Variants in FOXP2 observed in about 807,000 individuals in gnomAD.
FOXP2 encodes the protein forkhead box protein P2.
A neutral mutation model predicts 115.8 loss-of-function variants in FOXP2; 12 were observed. The ratio of observed to expected loss-of-function variants is 0.10; its 90% CI spans 0.07 to 0.17. FOXP2 has a LOEUF of 0.17. Among genes scored for constraint, FOXP2 ranks in the 10% least tolerant of loss-of-function variants. FOXP2 has a pLI of 1.00. For synonymous variants in FOXP2, 328 were observed against 297.7 expected (o/e 1.10, Z -1.05); for missense variants, 629 against 843.5 (o/e 0.75, Z 3.15).
upstream of FOXP2, among the ~76,000 whole-genome samples, chr7:114,412,857 T>G (rs532861786): frequency 2.0e-5 from 3 of 152,240 alleles, no homozygotes; most frequent in Admixed American, 2.0e-4. Flanking sequence ...AAAGAGACAC[T>G]AGTGGTATTG....
chr7:114,176,096 A>G (rs1301452860), intron 1 of FOXP2, among the ~76,000 whole-genome samples: 1 of 152,112 alleles, frequency 6.6e-6, no homozygotes, highest in Non-Finnish European at 1.5e-5. Context: ...GCATCATATC[A>G]AATCTACCTC....
chr7:114,205,310 C>T lies in FOXP2; in HGVS notation c.-102+42222C>T, dbSNP rs1157063264. Among the ~76,000 whole-genome samples the T allele has an allele frequency of 2.6e-5, 4 of 151,996 alleles. No individual in the cohort carries two copies. The East Asian group carries it at 7.7e-4, about 29-fold the overall frequency. On this transcript the variant is annotated intron_variant, in intron 1 of 17. Coordinates refer to the FOXP2 transcript ENST00000634411. ...AACAAAAGAAACAAAAAAGGAAGAT[C>T]CTTTAGCCCAGTGTTTCCAAATACA...
Position 114,518,802 on chromosome 7 carries a change from G to C in FOXP2, c.169-15815G>C, listed in dbSNP as rs1349971106. Among the ~76,000 whole-genome samples, 5 of 152,120 alleles carry C rather than the reference G, an allele frequency of 3.3e-5. No homozygotes were observed. In the East Asian group the frequency reaches 9.6e-4, roughly 29 times the overall value. On this transcript the variant is annotated intron_variant, in intron 2 of 16. Transcript: ENST00000350908. ...ATTATGGGCATGAGCCACCATGCTTGGCCCTAGAATTTTAAGAATGTAAAA... is the reference window on the plus strand; with the variant it reads ...ATTATGGGCATGAGCCACCATGCTTCGCCCTAGAATTTTAAGAATGTAAAA...
intron 2 of FOXP2, among the ~76,000 whole-genome samples, chr7:114,307,856 T>C (rs1242017470): frequency 6.6e-6 from 1 of 152,198 alleles, no homozygotes; most frequent in Non-Finnish European, 1.5e-5. Context: ...GATGTTCACA[T>C]GAACTTGTCT....
At chr7:114,366,243 C>T (rs766318622) in intron 2 of FOXP2, among the ~76,000 whole-genome samples, 1 of 152,102 alleles carries the variant, frequency 6.6e-6, no homozygotes, top group Non-Finnish European at 1.5e-5. Context: ...AACTACTAAA[C>T]AGTAATAAGG....
intron 2 of FOXP2, among the ~76,000 whole-genome samples, chr7:114,465,778 GC>G (rs1234366520): frequency 6.6e-6 from 1 of 152,114 alleles, no homozygotes; most frequent in Non-Finnish European, 1.5e-5. Flanking sequence ...CAATTGAGTA[GC>G]CAGGCCATGT....
intron 6 of FOXP2, among the ~76,000 whole-genome samples, chr7:114,636,964 A>T (rs1282834337): frequency 6.6e-6 from 1 of 152,160 alleles, no homozygotes; most frequent in Non-Finnish European, 1.5e-5. Context: ...ACTTCAGCCC[A>T]GGCGTTCAAG....
chr7:114,358,188 G>A lies in FOXP2; in HGVS notation c.-10-68314G>A, dbSNP rs186542282. ...TGACTTTATTAAGAGCAGCTTCCCT[G>A]AACGCACTTTCTTGCCTGCTGCCAT... On this transcript the variant is annotated intron_variant, in intron 2 of 17. Transcript: ENST00000634411. Among the ~76,000 whole-genome samples, 1,148 of 152,216 alleles carry A rather than the reference G, an allele frequency of 7.5e-3. 8 individuals are homozygous for A. The highest frequency in any genetic ancestry group is 0.011 in the Non-Finnish European group (728 of 68,016).
At chr7:114,236,180 C>T (rs911725899) in intron 1 of FOXP2, among the ~76,000 whole-genome samples, 1 of 152,088 alleles carries the variant, frequency 6.6e-6, no homozygotes, top group African/African-American at 2.4e-5. Flanking sequence ...TATGGAAAAG[C>T]TTTCAATGGA....
At chr7:114,647,138 T>C (rs1206122287) in intron 8 of FOXP2, among the ~76,000 whole-genome samples, 1 of 151,944 alleles carries the variant, frequency 6.6e-6, no homozygotes, top group Admixed American at 6.6e-5. Context: ...TAATTTGATA[T>C]CAGATAACTT....
chr7:114,225,179 G>T (rs569440742), intron 1 of FOXP2, among the ~76,000 whole-genome samples: 1 of 151,872 alleles, frequency 6.6e-6, no homozygotes, highest in Non-Finnish European at 1.5e-5. Context: ...AGTATTAAGG[G>T]GTGGGGTATG....
At position 114,691,129 on chromosome 7, in the gene FOXP2, G is replaced by GTT; in HGVS notation, c.*1204_*1205dup. 1 of 453,994 alleles carries GTT rather than the reference G, an allele frequency of 2.2e-6. No homozygotes were observed. The highest frequency in any genetic ancestry group is 4.4e-6 in the Non-Finnish European group (1 of 226,746). The allele number at this position is 453,994 out of a possible 1,614,324, so 28.1% of individuals were successfully genotyped here. On this transcript the variant is annotated 3_prime_UTR_variant, in exon 17 of 17. Coordinates refer to ENST00000350908, the MANE Select transcript of FOXP2 (RefSeq NM_014491.4). ...TTGATGCAAATGCAGATTGCATATT[G>GTT]TTATATATATAGTACTTTGTGTTTT...
At chr7:114,653,101 G>A (rs1421171043) in intron 9 of FOXP2, among the ~76,000 whole-genome samples, 4 of 151,928 alleles carry the variant, frequency 2.6e-5, no homozygotes, top group East Asian at 3.9e-4. Flanking sequence ...ATTACATCTT[G>A]TTTCAAATTC....
intron 2 of FOXP2, among the ~76,000 whole-genome samples, chr7:114,480,287 G>A (rs151086285): frequency 7.3e-4 from 110 of 150,446 alleles, no homozygotes; most frequent in Non-Finnish European, 9.6e-4. Flanking sequence ...TGTTGTAACT[G>A]GAAGCTTGCA....
intron 2 of FOXP2, among the ~76,000 whole-genome samples, chr7:114,525,015 C>T (rs1466070577): frequency 6.6e-6 from 1 of 152,114 alleles, no homozygotes; most frequent in Non-Finnish European, 1.5e-5. Context: ...GAACATGACT[C>T]TATTAAGATA....
chr7:114,086,398 A>G, upstream of FOXP2: 1 of 347,814 alleles, frequency 2.9e-6, no homozygotes, highest in Non-Finnish European at 5.6e-6. Flanking sequence ...GCCCCGCGCC[A>G]CCCGCAGCCC....
intron 2 of FOXP2, among the ~76,000 whole-genome samples, chr7:114,522,491 A>G (rs894439356): frequency 1.3e-5 from 2 of 152,144 alleles, no homozygotes; most frequent in African/African-American, 4.8e-5. Flanking sequence ...ACAGGCAACC[A>G]TTTTCTAAGT....
At chr7:114,564,120 C>A (rs1292657408) in intron 3 of FOXP2, among the ~76,000 whole-genome samples, 1 of 152,152 alleles carries the variant, frequency 6.6e-6, no homozygotes, top group Non-Finnish European at 1.5e-5. Flanking sequence ...ATCTGCAAAA[C>A]TCTTCGTAGT....
chr7:114,419,529 A>G (rs945947615), intron 1 of FOXP2, among the ~76,000 whole-genome samples: 1 of 151,962 alleles, frequency 6.6e-6, no homozygotes, highest in Non-Finnish European at 1.5e-5. Flanking sequence ...TTATCCTTAT[A>G]GCATACTTGC....
Sources: allele counts gnomAD v4.1 joint callset (sites outside exome capture counted in the v4.1 genomes callset), GRCh38; gene constraint gnomAD v4.1.1; transcripts MANE v1.5; gene names NCBI Gene and HGNC (gene_info 2026-07-23, HGNC 2026-07-21).